Variants in HSD17B11 observed in about 807,000 individuals in gnomAD.
HSD17B11 encodes the protein hydroxysteroid 17-beta dehydrogenase 11, also known as estradiol 17-beta-dehydrogenase 11.
In HSD17B11, 22 loss-of-function variants were observed where a neutral mutation model predicts 27.8. The observed-to-expected ratio is 0.79, with a 90% CI of 0.56 to 1.13. The LOEUF (loss-of-function observed/expected upper bound fraction) is 1.13, where lower values mean the gene tolerates loss of function less well. HSD17B11 is among the 50% of genes most tolerant of loss of function. The pLI, the probability that HSD17B11 is intolerant of heterozygous loss-of-function variation, is 0.00. For synonymous variants in HSD17B11, 117 were observed against 132.8 expected, an observed-to-expected ratio of 0.88 and a Z score of 0.82; for missense variants, 314 against 351.1, an observed-to-expected ratio of 0.89 and a Z score of 0.84.
At chr4:87,372,875 G>A in intron 3 of HSD17B11, 60 bp from the exon 4 acceptor site, 2 of 1,021,774 alleles carry the variant, frequency 2.0e-6, no homozygotes, top group South Asian at 1.4e-5. Flanking sequence ...CAGACCTATT[G>A]GGAATATTTT....
chr4:87,391,004 C>T lies in HSD17B11; in HGVS notation c.67G>A (p.Val23Met). Reference protein sequence around the residue: ...LLIVCSLESFVKLFIPKRRKS... With the variant: ...LLIVCSLESFMKLFIPKRRKS... ...CTCCTCTTAGGAATAAAAAGCTTCA[C>T]GAAGGACTCTAGGGAGCAGACGATC... Residue 23 changes from valine to methionine, a missense_variant, in exon 1 of 7, where the codon GTG (valine) becomes ATG (methionine). Coordinates refer to ENST00000358290, the MANE Select transcript of HSD17B11 (RefSeq NM_016245.5). 2 of 1,613,994 alleles carry T rather than the reference C, an allele frequency of 1.2e-6. No homozygotes were observed. The highest frequency in any genetic ancestry group is 1.7e-6 in the Non-Finnish European group (2 of 1,180,032).
intron 2 of HSD17B11, among the ~76,000 whole-genome samples, chr4:87,376,679 A>AT (rs11458362): frequency 0.62 from 93,719 of 151,918 alleles, 30,267 homozygotes; most frequent in African/African-American, 0.77. Context: ...CATTTGAGAA[A>AT]TAAAATGGTT....
chr4:87,382,029 T>C (rs892856836), intron 2 of HSD17B11, among the ~76,000 whole-genome samples: 2 of 152,050 alleles, frequency 1.3e-5, no homozygotes, highest in Admixed American at 6.6e-5. Flanking sequence ...CCCAAGAGTA[T>C]ATATATACAT....
chr4:87,353,552 C>T (rs559464814), intron 5 of HSD17B11, among the ~76,000 whole-genome samples: 1 of 152,132 alleles, frequency 6.6e-6, no homozygotes, highest in Non-Finnish European at 1.5e-5. Flanking sequence ...CTTCCTTAGC[C>T]AGGTTTATAT....
chr4:87,381,077 A>G (rs1173003340), intron 2 of HSD17B11, among the ~76,000 whole-genome samples: 1 of 143,806 alleles, frequency 7.0e-6, no homozygotes, highest in Non-Finnish European at 1.5e-5. Flanking sequence ...CACAGCTACT[A>G]GGGAGGCTGA....
chr4:87,388,056 G>T (rs1411697867), intron 1 of HSD17B11, among the ~76,000 whole-genome samples: 1 of 151,460 alleles, frequency 6.6e-6, no homozygotes, highest in Non-Finnish European at 1.5e-5. Flanking sequence ...CCAAAATACA[G>T]GAAATTTTAT....
intron 1 of HSD17B11, among the ~76,000 whole-genome samples, chr4:87,390,064 A>AC (rs917086935): frequency 5.9e-5 from 9 of 151,898 alleles, no homozygotes; most frequent in Admixed American, 4.6e-4. Context: ...GGCTCAAGCA[A>AC]CCCCCCACCT....
At chr4:87,339,010 CT>C (rs57082498) in intron 6 of HSD17B11, among the ~76,000 whole-genome samples, 2,034 of 152,256 alleles carry the variant, frequency 0.013, 53 homozygotes, top group African/African-American at 0.046. Context: ...AGAGCACAAA[CT>C]TTGAGTCTTT....
At chr4:87,376,576 T>C (rs1669173237) in intron 2 of HSD17B11, among the ~76,000 whole-genome samples, 1 of 147,840 alleles carries the variant, frequency 6.8e-6, no homozygotes, top group Non-Finnish European at 1.5e-5. Context: ...GTAAATAATA[T>C]TAAAATACAT....
At chr4:87,341,088 G>A (rs564693737) in intron 5 of HSD17B11, among the ~76,000 whole-genome samples, 166 of 152,216 alleles carry the variant, frequency 1.1e-3, no homozygotes, top group Non-Finnish European at 2.0e-3. Flanking sequence ...TGACAGGTAC[G>A]TGCCCACCTT....
At chr4:87,344,236 C>A (rs1419658656) in intron 5 of HSD17B11, among the ~76,000 whole-genome samples, 2 of 152,082 alleles carry the variant, frequency 1.3e-5, no homozygotes, top group East Asian at 3.8e-4. Context: ...CATACAAACT[C>A]CTAAATTTTT....
intron 2 of HSD17B11, among the ~76,000 whole-genome samples, chr4:87,378,843 TAA>T (rs1451976279): frequency 0.16 from 4,689 of 28,728 alleles, 892 homozygotes; most frequent in East Asian, 0.3. Context: ...TATATATATA[TAA>T]ATATATATAT....
At chr4:87,386,561 G>T (rs13102469) in intron 1 of HSD17B11, among the ~76,000 whole-genome samples, 10,773 of 151,626 alleles carry the variant, frequency 0.071, 618 homozygotes, top group East Asian at 0.31. Context: ...GTGCCCTGTA[G>T]ATAGTTGGTA....
chr4:87,384,420 A>T (rs1254045389), intron 1 of HSD17B11, among the ~76,000 whole-genome samples: 1 of 152,218 alleles, frequency 6.6e-6, no homozygotes, highest in Non-Finnish European at 1.5e-5. Context: ...GAAGACAACC[A>T]TAAGGTCTGA....
At chr4:87,382,756 AAAT>A (rs1720208771) in intron 1 of HSD17B11, among the ~76,000 whole-genome samples, 1 of 152,246 alleles carries the variant, frequency 6.6e-6, no homozygotes, top group Non-Finnish European at 1.5e-5. Flanking sequence ...TCTGCAAAAG[AAAT>A]AATGAGTTAA....
intron 4 of HSD17B11, among the ~76,000 whole-genome samples, chr4:87,369,078 G>A (rs941941132): frequency 3.3e-5 from 5 of 151,986 alleles, no homozygotes; most frequent in South Asian, 2.1e-4. Context: ...GGTCTGGATC[G>A]GGACTCCTTT....
intron 2 of HSD17B11, among the ~76,000 whole-genome samples, chr4:87,376,538 A>G (rs1383948295): frequency 7.2e-6 from 1 of 139,752 alleles, no homozygotes; most frequent in Non-Finnish European, 1.5e-5. Flanking sequence ...AAAACAAACA[A>G]AAAACCCCCA....
chr4:87,344,505 C>T (rs1735231111), intron 5 of HSD17B11, among the ~76,000 whole-genome samples: 1 of 152,124 alleles, frequency 6.6e-6, no homozygotes, highest in African/African-American at 2.4e-5. Context: ...TGAAGCAAAA[C>T]CTGTCAGAAT....
intron 2 of HSD17B11, among the ~76,000 whole-genome samples, chr4:87,380,220 A>C (rs1720102298): frequency 6.6e-6 from 1 of 151,542 alleles, no homozygotes; most frequent in South Asian, 2.1e-4. Context: ...AAATATACAA[A>C]TCCCAGCACT....
Sources: allele counts gnomAD v4.1 joint callset (sites outside exome capture counted in the v4.1 genomes callset), GRCh38; gene constraint gnomAD v4.1.1; transcripts MANE v1.5; gene names NCBI Gene and HGNC (gene_info 2026-07-23, HGNC 2026-07-21).